Variants in PCCB observed in about 807,000 individuals in gnomAD.
PCCB encodes propionyl-CoA carboxylase subunit beta, also known as propionyl-CoA carboxylase beta chain, mitochondrial.
Under a neutral mutation model 60.7 loss-of-function variants are expected in PCCB, and 43 were observed. The observed-to-expected ratio is 0.71, with a 90% CI of 0.55 to 0.91. PCCB has a LOEUF of 0.91. Among genes scored for constraint, PCCB ranks in the 40% least tolerant of loss-of-function variants. The probability of loss-of-function intolerance (pLI) is 0.00; values close to 1 mark genes in which losing one functional copy is unlikely to be tolerated. For synonymous variants in PCCB, 276 were observed against 255.9 expected (o/e 1.08, Z -0.75); for missense variants, 766 against 702.8 (o/e 1.09, Z -1.02).
intron 9 of PCCB, among the ~76,000 whole-genome samples, chr3:136,306,223 A>G (rs112425699): frequency 5.7e-5 from 7 of 123,316 alleles, no homozygotes; most frequent in African/African-American, 1.5e-4. Context: ...TGTAAAAGTC[A>G]ATCATGAAGC....
At chr3:136,322,070 T>C (rs1935129098) in intron 10 of PCCB, among the ~76,000 whole-genome samples, 1 of 152,246 alleles carries the variant, frequency 6.6e-6, no homozygotes, top group South Asian at 2.1e-4. Context: ...TTCTAGTTTC[T>C]TACAAGTAAG....
At chr3:136,313,118 A>G (rs1463210065) in intron 9 of PCCB, among the ~76,000 whole-genome samples, 4 of 152,218 alleles carry the variant, frequency 2.6e-5, no homozygotes, top group Admixed American at 2.6e-4. Context: ...GTGGAGAAGC[A>G]GGCACTCCTG....
rs539299835 is a variant in PCCB at position 136,304,689 on chromosome 3, T to C, written c.966+3578T>C. 1.8e-5 allele frequency among the ~76,000 whole-genome samples: 2 copies of C among 113,306 alleles called. 1 individual carries two copies. Among genetic ancestry groups the C allele is most frequent in the Admixed American group, 2.2e-4 (2 of 9,186 alleles). The allele number at this position is 113,306 out of a possible 152,430, so 74.3% of individuals were successfully genotyped here. A position where few individuals can be genotyped will look rare whatever the true frequency, so the allele number is the denominator to read the frequency against. On this transcript the variant is annotated intron_variant, in intron 9 of 14. Transcript: ENST00000251654. ...TGTGAGCCACTGTGCCCGGCTGGCT[T>C]TCCAATTCTTTTCTTTTTTTTGAGA...
chr3:136,259,221 C>A, intron 3 of PCCB: 2 of 1,281,642 alleles, frequency 1.6e-6, no homozygotes, highest in Non-Finnish European at 2.1e-6. Flanking sequence ...CATCTCAGCA[C>A]TTTGGGAGGC....
chr3:136,315,813 G>A (rs1934867648), intron 9 of PCCB, among the ~76,000 whole-genome samples: 1 of 151,758 alleles, frequency 6.6e-6, no homozygotes, highest in Non-Finnish European at 1.5e-5. Flanking sequence ...GGGTCACAGA[G>A]CAAGACCTGT....
At chr3:136,260,377 C>CT (rs1559997754) in intron 3 of PCCB, 102 bp from the exon 4 acceptor site, 5 of 1,009,828 alleles carry the variant, frequency 5.0e-6, no homozygotes, top group Middle Eastern at 4.3e-4. Flanking sequence ...CACGCCTGGC[C>CT]TAAAAACTTT....
chr3:136,268,101 T>TATATGTAG (rs1942075334), intron 5 of PCCB, among the ~76,000 whole-genome samples: 1 of 122,286 alleles, frequency 8.2e-6, no homozygotes, highest in Non-Finnish European at 1.6e-5. Context: ...TATATATATA[T>TATATGTAG]ATATATATAT....
chr3:136,281,303 T>C (rs1472333878), intron 5 of PCCB, among the ~76,000 whole-genome samples: 1 of 152,128 alleles, frequency 6.6e-6, no homozygotes, highest in African/African-American at 2.4e-5. Flanking sequence ...TATTAATTTC[T>C]CCTTTTCTTT....
intron 5 of PCCB, among the ~76,000 whole-genome samples, chr3:136,269,396 A>AG (rs1379586570): frequency 6.6e-6 from 1 of 152,118 alleles, no homozygotes; most frequent in African/African-American, 2.4e-5. Flanking sequence ...TGCTTTGCTG[A>AG]GGTTGTGTAT....
intron 4 of PCCB, among the ~76,000 whole-genome samples, 177 bp downstream of exon 4, chr3:136,260,712 G>A (rs879356416): frequency 6.6e-6 from 1 of 152,130 alleles, no homozygotes; most frequent in Non-Finnish European, 1.5e-5. Flanking sequence ...TCTCTTCCAT[G>A]GGCTGGCAAA....
At chr3:136,261,063 T>G (rs1230691158) in intron 4 of PCCB, among the ~76,000 whole-genome samples, 1 of 152,178 alleles carries the variant, frequency 6.6e-6, no homozygotes, top group East Asian at 1.9e-4. Context: ...GATGTAAATT[T>G]TTTCCTGTTC....
chr3:136,321,304 G>T lies in PCCB; in HGVS notation c.1090+4240G>T, dbSNP rs113602026. ...ATGCACACATGCACAGCCTCCATAT[G>T]TCCAAAATCCTGCATAAGAGCAGTA... On this transcript the variant is annotated intron_variant, in intron 10 of 14. Coordinates refer to ENST00000251654, the MANE Select transcript of PCCB (RefSeq NM_000532.5). Among the ~76,000 whole-genome samples the T allele has an allele frequency of 3.2e-3, 485 of 152,250 alleles. 2 individuals are homozygous for T. Among genetic ancestry groups the T allele is most frequent in the Non-Finnish European group, 5.7e-3 (385 of 68,020 alleles).
intron 9 of PCCB, among the ~76,000 whole-genome samples, chr3:136,310,173 G>C (rs974021460): frequency 2.0e-5 from 3 of 152,084 alleles, no homozygotes; most frequent in Admixed American, 6.5e-5. Flanking sequence ...AGACCAGCCT[G>C]ACTAACATGG....
At chr3:136,296,923 A>G (rs1247063451) in intron 7 of PCCB, among the ~76,000 whole-genome samples, 1 of 152,244 alleles carries the variant, frequency 6.6e-6, no homozygotes, top group Non-Finnish European at 1.5e-5. Flanking sequence ...AGAACAAAAG[A>G]AAGACACCTG....
At chr3:136,252,259 A>G (rs1443326296) in intron 1 of PCCB, 2 of 454,980 alleles carry the variant, frequency 4.4e-6, no homozygotes, top group South Asian at 1.6e-5. Flanking sequence ...AAAGGGTGTA[A>G]GTTTATTTAT....
At chr3:136,293,682 G>T in intron 6 of PCCB, 74 bp from the exon 7 acceptor site, 1 of 913,510 alleles carries the variant, frequency 1.1e-6, no homozygotes, top group Non-Finnish European at 1.8e-6. Context: ...TTGTCATCTT[G>T]GCTGAATCAA....
chr3:136,300,116 A>G lies in PCCB; in HGVS notation c.885-914A>G, dbSNP rs138432764. Among the ~76,000 whole-genome samples, 980 of 151,948 alleles carry G rather than the reference A, an allele frequency of 6.4e-3. 12 individuals are homozygous for G. Among genetic ancestry groups the G allele is most frequent in the African/African-American group, 0.023 (932 of 41,394 alleles). On this transcript the variant is annotated intron_variant, in intron 8 of 14. Transcript: ENST00000251654. The stretch of plus-strand genomic sequence containing the variant: ...TACACATATACATACATGCATATCT[A>G]CACGTGTATATATGTATATCTACAC...
intron 6 of PCCB, 86 bp downstream of exon 6, chr3:136,284,033 A>G: frequency 1.2e-6 from 1 of 858,570 alleles, no homozygotes; most frequent in Admixed American, 1.8e-5. Flanking sequence ...ACCCAGATCT[A>G]GGTTGTTACC....
intron 8 of PCCB, among the ~76,000 whole-genome samples, chr3:136,299,861 T>C (rs552849052): frequency 4.6e-5 from 7 of 151,432 alleles, no homozygotes; most frequent in Admixed American, 1.3e-4. Context: ...CATGCATATG[T>C]ATGTATATGC....
Sources: allele counts gnomAD v4.1 joint callset (sites outside exome capture counted in the v4.1 genomes callset), GRCh38; gene constraint gnomAD v4.1.1; transcripts MANE v1.5; gene names NCBI Gene and HGNC (gene_info 2026-07-23, HGNC 2026-07-21).